PKNOX1: variants seen among roughly 807,000 people sequenced by gnomAD.
The protein encoded by PKNOX1 is homeobox protein PKNOX1.
PKNOX1 carries 15 observed loss-of-function variants against 51.9 expected under a neutral mutation model. The observed-to-expected ratio is 0.29, with a 90% CI of 0.19 to 0.45. The LOEUF is 0.45. Ranked by LOEUF, PKNOX1 falls within the 20% of genes least tolerant of loss-of-function variation. The pLI is 1.00. For synonymous variants in PKNOX1, 219 were observed against 211.1 expected, an observed-to-expected ratio of 1.04 and a Z score of -0.32; for missense variants, 462 against 547.5, an observed-to-expected ratio of 0.84 and a Z score of 1.56.
At chr21:43,007,790 G>A in intron 3 of PKNOX1, 172 bp downstream of exon 3, 1 of 647,608 alleles carries the variant, frequency 1.5e-6, no homozygotes. Context: ...CTGGCCAGGT[G>A]TGGTGGCTCA....
intron 1 of PKNOX1, among the ~76,000 whole-genome samples, chr21:42,983,630 AT>A: frequency 6.6e-6 from 1 of 152,068 alleles, no homozygotes; most frequent in South Asian, 2.1e-4. Context: ...CCTACTTTCA[AT>A]TTTTTTGGAT....
Position 42,986,002 on chromosome 21 carries a change from G to GAAAA in PKNOX1, c.-57+11350_-57+11353dup, listed in dbSNP as rs376565583. On this transcript the variant is annotated intron_variant, in intron 1 of 10. Transcript: ENST00000291547. The stretch of plus-strand genomic sequence containing the variant: ...GGCAACAGAGCGAGGCTCTGTCTCA[G>GAAAA]AAAAAAAAAAAAAAATTAAAAAAAA... 9.8e-4 allele frequency among the ~76,000 whole-genome samples: 108 copies of GAAAA among 110,492 alleles called. 1 individual carries two copies. Among genetic ancestry groups the GAAAA allele is most frequent in the South Asian group, 2.8e-3 (10 of 3,582 alleles). The allele number at this position is 110,492 out of a possible 152,430, so 72.5% of individuals were successfully genotyped here. A position where few individuals can be genotyped will look rare whatever the true frequency, so the allele number is the denominator to read the frequency against.
chr21:43,021,374 C>T lies in PKNOX1; in HGVS notation c.792C>T (p.Gly264=), dbSNP rs996133808. The change falls in exon 8 of 11, where the codon GGC becomes GGT. Residue 264 remains glycine, a synonymous_variant. Coordinates refer to ENST00000291547, the MANE Select transcript of PKNOX1 (RefSeq NM_004571.5). This position sits in a 1 kb window ranked among gnomAD's most constrained non-coding sequence, Gnocchi z 4.6. The part of the protein sequence containing the change: ...QDDGSSKNKR[G]VLPKHATNVM... Reference sequence around the variant, plus strand: ...ATGGTTCATCTAAGAACAAGAGGGGCGTCCTGCCAAAGCATGCCACGAACG... The same window carrying T: ...ATGGTTCATCTAAGAACAAGAGGGGTGTCCTGCCAAAGCATGCCACGAACG... 32 of 1,613,264 alleles carry T rather than the reference C, an allele frequency of 2.0e-5. No homozygotes were observed. The highest frequency in any genetic ancestry group is 1.7e-4 in the Middle Eastern group (1 of 5,996).
At chr21:43,007,277 A>G (rs1338092977) in intron 2 of PKNOX1, among the ~76,000 whole-genome samples, 1 of 152,224 alleles carries the variant, frequency 6.6e-6, no homozygotes. Context: ...TTTCACAGAC[A>G]TTGGTTATCT....
chr21:43,000,843 A>T (rs1978721352), intron 1 of PKNOX1, among the ~76,000 whole-genome samples: 1 of 152,180 alleles, frequency 6.6e-6, no homozygotes. Context: ...TGATTGCAAC[A>T]TTGCAGTCCA....
In PKNOX1 at chr21:43,024,261, T is replaced by C. The variant is rs79289524; in HGVS notation, c.850-610T>C. Reference sequence around the variant, plus strand: ...ATTTGTCCCCCAGCCTGCCTGGCCATTTCCTACTCCACCTGTTTCACCAGC... The same window carrying C: ...ATTTGTCCCCCAGCCTGCCTGGCCACTTCCTACTCCACCTGTTTCACCAGC... On this transcript the variant is annotated intron_variant, in intron 8 of 10. Transcript: ENST00000291547. Among the ~76,000 whole-genome samples the C allele has an allele frequency of 7.6e-3, 1,154 of 152,254 alleles. 9 individuals carry two copies. Among genetic ancestry groups the C allele is most frequent in the African/African-American group, 0.025 (1,057 of 41,544 alleles).
intron 1 of PKNOX1, among the ~76,000 whole-genome samples, chr21:42,994,884 G>T: frequency 6.8e-6 from 1 of 147,312 alleles, no homozygotes. Context: ...TACCACATTT[G>T]GTTGTTGTTT....
chr21:42,975,182 C>T (rs542725171), intron 1 of PKNOX1, among the ~76,000 whole-genome samples: 42 of 145,450 alleles, frequency 2.9e-4, no homozygotes, highest in Admixed American at 1.2e-3. Context: ...TCCTCAGGGC[C>T]GGCGGGGCTG....
intron 1 of PKNOX1, among the ~76,000 whole-genome samples, chr21:42,986,002 G>GAAA (rs376565583): frequency 0.32 from 35,169 of 109,946 alleles, 5,680 homozygotes; most frequent in East Asian, 0.54. Context: ...CTCTGTCTCA[G>GAAA]AAAAAAAAAA....
intron 10 of PKNOX1, 185 bp downstream of exon 10, chr21:43,029,059 GAGTT>G (rs1980111897): frequency 1.6e-6 from 1 of 630,174 alleles, no homozygotes; most frequent in Non-Finnish European, 2.8e-6. Context: ...CTCTCAGTAA[GAGTT>G]AGGAGCACCA....
intron 1 of PKNOX1, among the ~76,000 whole-genome samples, chr21:42,977,477 T>C (rs934434677): frequency 1.3e-5 from 2 of 152,070 alleles, no homozygotes; most frequent in African/African-American, 4.8e-5. Context: ...CCTTGTACTT[T>C]CGTGTTATGG....
At chr21:43,029,424 G>GCTTTTTTTTTTT (rs1980134464) in intron 10 of PKNOX1, among the ~76,000 whole-genome samples, 1 of 63,304 alleles carries the variant, frequency 1.6e-5, no homozygotes. Flanking sequence ...TGTTTGCTTT[G>GCTTTTTTTTTTT]TTTTTTTTTT....
chr21:43,012,247 G>T (rs894736566), intron 4 of PKNOX1, among the ~76,000 whole-genome samples: 4 of 152,162 alleles, frequency 2.6e-5, no homozygotes, highest in Non-Finnish European at 4.4e-5. Context: ...ACCCCAAAAT[G>T]TAGTTACTTA....
intron 1 of PKNOX1, among the ~76,000 whole-genome samples, chr21:42,977,592 A>G (rs184676834): frequency 1.9e-3 from 230 of 123,962 alleles, no homozygotes; most frequent in African/African-American, 6.9e-3. Flanking sequence ...TTGTTGCCCA[A>G]GCTGGAGAGC....
rs1979319554 is a variant in PKNOX1, at chr21:43,012,950, T to C, written c.352-118T>C. 1.5e-5 allele frequency: 11 copies of C among 753,274 alleles called. No homozygotes were observed. The East Asian group carries it at 2.9e-4, about 20-fold the overall frequency. The allele number at this position is 753,274 out of a possible 1,614,324, so 46.7% of individuals were successfully genotyped here. On this transcript the variant is annotated intron_variant, in intron 4 of 10. Transcript: ENST00000291547. ...TAGAGGATTTCTGATGTTATTCCAC[T>C]TTGGTTATTGGCAGTAGAGATGGTT...
chr21:42,994,885 G>A (rs1978421235), intron 1 of PKNOX1, among the ~76,000 whole-genome samples: 1 of 146,856 alleles, frequency 6.8e-6, no homozygotes, highest in South Asian at 2.2e-4. Context: ...ACCACATTTG[G>A]TTGTTGTTTC....
rs1980255799 is a variant in PKNOX1, at chr21:43,031,264, C to G, written c.*1163C>G. The G allele has an allele frequency of 6.5e-6, 1 of 152,690 alleles. No individual in the cohort carries two copies. The highest frequency in any genetic ancestry group is 2.4e-5 in the African/African-American group (1 of 41,478). The allele number at this position is 152,690 out of a possible 1,614,324, so 9.5% of individuals were successfully genotyped here. ...AACAGCAGATATTCAGACTTTATTA[C>G]TTAACTAGCGGACATCCCTGGAGTC... On this transcript the variant is annotated 3_prime_UTR_variant, in exon 11 of 11. Transcript: ENST00000291547.
In PKNOX1 at chr21:43,000,419, G is replaced by T. The variant is rs180981354; in HGVS notation, c.-56-3907G>T. Among the ~76,000 whole-genome samples the T allele has an allele frequency of 1.1e-3, 174 of 152,350 alleles. 2 individuals carry two copies. Among genetic ancestry groups the T allele is most frequent in the African/African-American group, 4.1e-3 (170 of 41,590 alleles). The stretch of plus-strand genomic sequence containing the variant: ...GGAAAAGCAAATTATGTCTTACATG[G>T]ATGGCAGCAGGCAAAGAGAGGAGAG... On this transcript the variant is annotated intron_variant, in intron 1 of 10. Coordinates refer to ENST00000291547, the MANE Select transcript of PKNOX1 (RefSeq NM_004571.5).
At chr21:42,983,347 A>C (rs1269651957) in intron 1 of PKNOX1, among the ~76,000 whole-genome samples, 1 of 152,054 alleles carries the variant, frequency 6.6e-6, no homozygotes, top group Non-Finnish European at 1.5e-5. Flanking sequence ...CCTGTCTCTG[A>C]ATTTCGCTAC....
Sources: gnomAD v4.1 joint callset for allele counts (sites outside exome capture counted in the v4.1 genomes callset) on GRCh38, gnomAD v4.1.1 for gene constraint, Gnocchi (gnomAD v3.1) non-coding constraint, MANE v1.5 for transcripts, NCBI Gene and HGNC (gene_info 2026-07-23, HGNC 2026-07-21) for gene names.